Variants in SGSM1 observed in about 807,000 individuals in gnomAD.
SGSM1 encodes the protein RUN and TBC1 domain containing 2.
Under a neutral mutation model 133.8 loss-of-function variants are expected in SGSM1, and 73 were observed. That is an observed-to-expected ratio of 0.55 (90% CI 0.45 to 0.66). The LOEUF (loss-of-function observed/expected upper bound fraction) is 0.66, where lower values mean the gene tolerates loss of function less well. Among genes scored for constraint, SGSM1 ranks in the 30% least tolerant of loss-of-function variants. The pLI is 0.00. For missense variants in SGSM1, 1,213 were observed against 1,448.1 expected, an observed-to-expected ratio of 0.84 and a Z score of 2.64; for synonymous variants, 563 against 573.0, an observed-to-expected ratio of 0.98 and a Z score of 0.25.
chr22:24,808,077 G>A (rs928248428), intron 2 of SGSM1, among the ~76,000 whole-genome samples: 3 of 151,284 alleles, frequency 2.0e-5, no homozygotes, highest in African/African-American at 7.3e-5. Context: ...TTCCAAGGGA[G>A]ATCCATCTAG....
intron 8 of SGSM1, 106 bp downstream of exon 8, chr22:24,855,786 GCACT>G: frequency 6.4e-7 from 1 of 1,552,610 alleles, no homozygotes; most frequent in Non-Finnish European, 8.8e-7. Context: ...ATCCATTTAT[GCACT>G]CACCCATGCA....
intron 20 of SGSM1, among the ~76,000 whole-genome samples, chr22:24,903,525 T>A (rs957914726): frequency 5.3e-5 from 8 of 152,156 alleles, no homozygotes; most frequent in Non-Finnish European, 1.2e-4. Flanking sequence ...ACATATTTTT[T>A]AAATGTTTTA....
intron 2 of SGSM1, among the ~76,000 whole-genome samples, chr22:24,816,627 G>C (rs545642785): frequency 6.6e-6 from 1 of 151,978 alleles, no homozygotes; most frequent in Non-Finnish European, 1.5e-5. Context: ...GGCTGGTCTC[G>C]AACTCCTGAC....
intron 2 of SGSM1, among the ~76,000 whole-genome samples, chr22:24,825,143 T>C (rs1928726172): frequency 6.6e-6 from 1 of 152,168 alleles, no homozygotes; most frequent in Admixed American, 6.5e-5. Flanking sequence ...GCTAGCCAGC[T>C]GGAGCATTCG....
At chr22:24,872,967 A>ATT (rs533180789) in intron 12 of SGSM1, among the ~76,000 whole-genome samples, 13 of 145,846 alleles carry the variant, frequency 8.9e-5, no homozygotes, top group Non-Finnish European at 1.4e-4. Context: ...CTCAATTGTA[A>ATT]TTTTTTTTTT....
At chr22:24,826,759 A>G (rs1928822467) in intron 2 of SGSM1, among the ~76,000 whole-genome samples, 1 of 152,154 alleles carries the variant, frequency 6.6e-6, no homozygotes, top group African/African-American at 2.4e-5. Flanking sequence ...AGCTGACCAC[A>G]GAATGGAGTG....
chr22:24,922,708 C>G (rs2123755020), intron 24 of SGSM1, among the ~76,000 whole-genome samples: 1 of 152,192 alleles, frequency 6.6e-6, no homozygotes, highest in Admixed American at 6.5e-5. Context: ...GATCTCCTGA[C>G]CTCATGATCC....
In SGSM1 at chr22:24,897,749, G is replaced by GTGA. The variant is rs574166951; in HGVS notation, c.2023-222_2023-220dup. On this transcript the variant is annotated intron_variant, in intron 18 of 24. Coordinates refer to ENST00000400358, the MANE Select transcript of SGSM1 (RefSeq NM_001098497.3). ...CTCCCAAAGTTCTGGGATTGCAGGC[G>GTGA]TGAGCCACCATGCCCAGCCTAGATC... is the stretch of plus-strand genomic sequence containing the variant. Among the ~76,000 whole-genome samples the GTGA allele has an allele frequency of 3.7e-4, 57 of 152,348 alleles. 1 individual carries two copies. The East Asian group carries it at 0.01, about 28-fold the overall frequency.
intron 12 of SGSM1, among the ~76,000 whole-genome samples, chr22:24,873,649 G>A (rs1403261743): frequency 1.3e-5 from 2 of 152,076 alleles, no homozygotes; most frequent in Non-Finnish European, 2.9e-5. Context: ...CCAGGAATTC[G>A]AGATCAGCCT....
chr22:24,912,896 T>C (rs1371469473), intron 22 of SGSM1, 144 bp downstream of exon 22: 1 of 605,354 alleles, frequency 1.7e-6, no homozygotes, highest in Non-Finnish European at 3.0e-6. Context: ...CATATACTCT[T>C]ATCTCTGTGG....
intron 12 of SGSM1, among the ~76,000 whole-genome samples, chr22:24,870,914 A>G (rs979524648): frequency 4.0e-5 from 6 of 151,414 alleles, no homozygotes; most frequent in African/African-American, 9.7e-5. Flanking sequence ...CTAACCCTTT[A>G]CTCCCTCCCC....
At chr22:24,815,937 T>C in intron 2 of SGSM1, among the ~76,000 whole-genome samples, 1 of 152,118 alleles carries the variant, frequency 6.6e-6, no homozygotes, top group Non-Finnish European at 1.5e-5. Context: ...CAAATGTAAC[T>C]TTCTGGAGTT....
intron 19 of SGSM1, among the ~76,000 whole-genome samples, chr22:24,899,605 C>T (rs1175955213): frequency 2.6e-5 from 4 of 151,198 alleles, no homozygotes; most frequent in South Asian, 2.1e-4. Context: ...TCACTGCAAC[C>T]TCTGCGTCCC....
chr22:24,831,993 A>G (rs1212352488), intron 2 of SGSM1, among the ~76,000 whole-genome samples: 1 of 152,156 alleles, frequency 6.6e-6, no homozygotes, highest in Non-Finnish European at 1.5e-5. Flanking sequence ...TCCCACCCAG[A>G]GAGTCGGGGC....
intron 2 of SGSM1, among the ~76,000 whole-genome samples, chr22:24,827,403 C>T (rs565629201): frequency 1.4e-4 from 7 of 50,746 alleles, no homozygotes; most frequent in Admixed American, 7.2e-4. Context: ...GGAGGGAGGG[C>T]GGGGCTGGTT....
chr22:24,908,952 C>T (rs570199053), intron 21 of SGSM1, among the ~76,000 whole-genome samples: 1 of 152,330 alleles, frequency 6.6e-6, no homozygotes, highest in South Asian at 2.1e-4. Context: ...GCCCCAAGCC[C>T]TGTGCCACAG....
intron 2 of SGSM1, among the ~76,000 whole-genome samples, chr22:24,810,833 G>T (rs138201307): frequency 6.6e-6 from 1 of 152,170 alleles, no homozygotes; most frequent in African/African-American, 2.4e-5. Flanking sequence ...CCCAGCCTCT[G>T]GGTTAGGGGT....
chr22:24,824,835 A>G (rs1928709017), intron 2 of SGSM1, among the ~76,000 whole-genome samples: 2 of 152,202 alleles, frequency 1.3e-5, no homozygotes, highest in South Asian at 4.1e-4. Context: ...AGGTGCAAAG[A>G]ACTGGTCTCA....
chr22:24,841,673 G>A (rs933214432), intron 2 of SGSM1, among the ~76,000 whole-genome samples: 7 of 152,340 alleles, frequency 4.6e-5, no homozygotes, highest in Non-Finnish European at 1.0e-4. Context: ...AGGTGGTGGT[G>A]GAGGGGCTGA....
Sources: allele counts gnomAD v4.1 joint callset (sites outside exome capture counted in the v4.1 genomes callset), GRCh38; gene constraint gnomAD v4.1.1; transcripts MANE v1.5; gene names NCBI Gene and HGNC (gene_info 2026-07-23, HGNC 2026-07-21).